SPPL3: variants seen among roughly 807,000 people sequenced by gnomAD.
SPPL3 encodes the protein signal peptide peptidase like 3.
In SPPL3, 5 loss-of-function variants were observed where a neutral mutation model predicts 42.4. The observed-to-expected ratio is 0.12, with a 90% CI of 0.06 to 0.25. SPPL3 has a LOEUF of 0.25. Among genes scored for constraint, SPPL3 ranks in the 10% least tolerant of loss-of-function variants. The pLI, the probability that SPPL3 is intolerant of heterozygous loss-of-function variation, is 1.00. For missense variants in SPPL3, 235 were observed against 489.0 expected (o/e 0.48, Z 4.90); for synonymous variants, 195 against 181.8 (o/e 1.07, Z -0.58).
chr12:120,789,279 C>G (rs1869826376), intron 3 of SPPL3, among the ~76,000 whole-genome samples: 1 of 151,206 alleles, frequency 6.6e-6, no homozygotes, highest in South Asian at 2.1e-4. Flanking sequence ...CATGGTGAAA[C>G]CCCATCTCTA....
At chr12:120,901,985 G>A (rs1234821694) in intron 1 of SPPL3, 1 of 952,110 alleles carries the variant, frequency 1.1e-6, no homozygotes, top group African/African-American at 1.8e-5. Context: ...GCAGCCATTA[G>A]GACTCTCAGG....
intron 1 of SPPL3, among the ~76,000 whole-genome samples, chr12:120,849,806 T>G (rs1300918287): frequency 6.6e-6 from 1 of 152,184 alleles, no homozygotes; most frequent in Non-Finnish European, 1.5e-5. Flanking sequence ...ACCCTCCCCC[T>G]ACAATTCTCA....
intron 1 of SPPL3, among the ~76,000 whole-genome samples, chr12:120,876,516 G>A (rs1566067163): frequency 6.7e-6 from 1 of 149,056 alleles, no homozygotes; most frequent in Non-Finnish European, 1.5e-5. Flanking sequence ...ACTTGGGAGG[G>A]TGAGGCAGGA....
At chr12:120,889,379 GATTT>G (rs1369361857) in intron 1 of SPPL3, among the ~76,000 whole-genome samples, 2 of 152,324 alleles carry the variant, frequency 1.3e-5, no homozygotes, top group African/African-American at 4.8e-5. Context: ...ATGGGCGTAA[GATTT>G]ATTTTTGTGG....
At chr12:120,874,452 C>CAAAAAAAAA (rs71076673) in intron 1 of SPPL3, among the ~76,000 whole-genome samples, 12 of 97,394 alleles carry the variant, frequency 1.2e-4, no homozygotes, top group Non-Finnish European at 1.6e-4. Context: ...GACCCTGTCG[C>CAAAAAAAAA]AAAAAAAAAA....
chr12:120,878,847 C>T (rs1356947586), intron 1 of SPPL3, among the ~76,000 whole-genome samples: 2 of 152,094 alleles, frequency 1.3e-5, no homozygotes, highest in Non-Finnish European at 2.9e-5. Flanking sequence ...GGCGCAGTGG[C>T]TCATACCCGT....
At position 120,766,098 on chromosome 12, in the gene SPPL3, GCGCACACACA is replaced by G. The variant is rs1252188209; in HGVS notation, c.1083+155_1083+164del. ...TTGCTAACGCCAGGGTAGCGCGCGC[GCGCACACACA>G]CACACACACACACACACACACACAC... On this transcript the variant is annotated intron_variant, in intron 10 of 10. Coordinates refer to ENST00000353487, the MANE Select transcript of SPPL3 (RefSeq NM_139015.5). Among the ~76,000 whole-genome samples, 742 of 144,150 alleles carry G rather than the reference GCGCACACACA, an allele frequency of 5.1e-3. 3 individuals carry two copies. Among genetic ancestry groups the G allele is most frequent in the Middle Eastern group, 0.032 (9 of 282 alleles). The allele number at this position is 144,150 out of a possible 152,430, so 94.6% of individuals were successfully genotyped here.
At chr12:120,815,314 T>C (rs969979771) in intron 1 of SPPL3, among the ~76,000 whole-genome samples, 3 of 152,250 alleles carry the variant, frequency 2.0e-5, no homozygotes, top group Non-Finnish European at 4.4e-5. Flanking sequence ...ATCTGAGAGA[T>C]GAAAACTGGT....
At chr12:120,814,741 CCA>C (rs58930452) in intron 1 of SPPL3, among the ~76,000 whole-genome samples, 14,870 of 151,802 alleles carry the variant, frequency 0.098, 1,559 homozygotes, top group African/African-American at 0.27. Context: ...TTTTAAATAA[CCA>C]CATTTTTTAG....
intron 1 of SPPL3, among the ~76,000 whole-genome samples, chr12:120,870,599 T>C (rs767690640): frequency 9.2e-5 from 14 of 151,978 alleles, no homozygotes; most frequent in Non-Finnish European, 1.6e-4. Flanking sequence ...GATGAAAGAA[T>C]GGGTAAGAAA....
In SPPL3 at chr12:120,784,607, A is replaced by T. The variant is rs1412740378; in HGVS notation, c.191-14T>A. The T allele has an allele frequency of 6.3e-7, 1 of 1,597,688 alleles. No homozygotes were observed. ...TTGTTTGGATGCCTGAAAGAGAAAA[A>T]CAGACAGATTAATAACTTATTATGC... is the stretch of plus-strand genomic sequence containing the variant. On this transcript the variant is annotated splice_polypyrimidine_tract_variant and intron_variant, in intron 3 of 10. Coordinates refer to ENST00000353487, the MANE Select transcript of SPPL3 (RefSeq NM_139015.5).
intron 1 of SPPL3, among the ~76,000 whole-genome samples, chr12:120,825,607 G>C (rs960459400): frequency 1.3e-5 from 2 of 152,196 alleles, no homozygotes; most frequent in Non-Finnish European, 2.9e-5. Context: ...TGCAAGATCA[G>C]CTTCTGTTTA....
At chr12:120,857,612 G>A (rs1396449466) in intron 1 of SPPL3, among the ~76,000 whole-genome samples, 1 of 152,098 alleles carries the variant, frequency 6.6e-6, no homozygotes, top group East Asian at 1.9e-4. Context: ...AAGAAAATGT[G>A]GTACATATAC....
At chr12:120,827,528 T>C (rs542606158) in intron 1 of SPPL3, among the ~76,000 whole-genome samples, 1 of 152,218 alleles carries the variant, frequency 6.6e-6, no homozygotes, top group East Asian at 1.9e-4. Flanking sequence ...AGCAGAGAGA[T>C]GAACTAGTTT....
chr12:120,813,546 C>T (rs1206189198), intron 1 of SPPL3, among the ~76,000 whole-genome samples: 1 of 151,936 alleles, frequency 6.6e-6, no homozygotes, highest in Non-Finnish European at 1.5e-5. Context: ...GTCTCAAACT[C>T]GTGACCTCAA....
rs117033267 is a variant in SPPL3 at position 120,772,327 on chromosome 12, G to A, written c.503-3268C>T. On this transcript the variant is annotated intron_variant, in intron 6 of 10. Transcript: ENST00000353487. ...ATGAGCCACCGCGCCCGGCCCAGTT[G>A]CTTCTTCTATGTGATGTGCCATAGA... Among the ~76,000 whole-genome samples, 492 of 152,232 alleles carry A rather than the reference G, an allele frequency of 3.2e-3. 1 individual carries two copies. Among genetic ancestry groups the A allele is most frequent in the South Asian group, 0.011 (55 of 4,828 alleles).
intron 1 of SPPL3, among the ~76,000 whole-genome samples, chr12:120,871,371 G>A (rs1049702679): frequency 7.2e-5 from 11 of 152,122 alleles, no homozygotes; most frequent in Non-Finnish European, 1.3e-4. Context: ...ATCACTGAAA[G>A]TACAATCATC....
Position 120,836,990 on chromosome 12 carries a change from T to C in SPPL3, c.24-26104A>G, listed in dbSNP as rs932283917. Among the ~76,000 whole-genome samples, 6 of 55,552 alleles carry C rather than the reference T, an allele frequency of 1.1e-4. No individual in the cohort carries two copies. The Admixed American group carries it at 1.6e-3, about 15-fold the overall frequency. The allele number at this position is 55,552 out of a possible 152,430, so 36.4% of individuals were successfully genotyped here. On this transcript the variant is annotated intron_variant, in intron 1 of 10. Transcript: ENST00000353487. ...CAAAGAGCACATGAGCTCTCTGCAT[T>C]TTTTTTTTGTAACTGCATGTGAATC... is the stretch of plus-strand genomic sequence containing the variant.
intron 1 of SPPL3, among the ~76,000 whole-genome samples, chr12:120,863,866 A>G (rs1289556520): frequency 4.1e-5 from 6 of 146,584 alleles, no homozygotes; most frequent in Non-Finnish European, 8.9e-5. Flanking sequence ...TCTTGCAGAG[A>G]TGGAGCCTTG....
Sources: allele counts gnomAD v4.1 joint callset (sites outside exome capture counted in the v4.1 genomes callset), GRCh38; gene constraint gnomAD v4.1.1; transcripts MANE v1.5; gene names NCBI Gene and HGNC (gene_info 2026-07-23, HGNC 2026-07-21).